The following TULP4 variants were observed in gnomAD, a reference collection of about 807,000 sequenced individuals.
TULP4 encodes tubby-related protein 4.
Under a neutral mutation model 129.0 loss-of-function variants are expected in TULP4, and 16 were observed. That is an observed-to-expected ratio of 0.12 (90% CI 0.08 to 0.19). TULP4 has a LOEUF of 0.19. TULP4 is among the 10% of genes least tolerant of loss of function. TULP4 has a pLI of 1.00. For missense variants in TULP4, 1,842 were observed against 2,059.1 expected, an observed-to-expected ratio of 0.89 and a Z score of 2.04; for synonymous variants, 998 against 854.0, an observed-to-expected ratio of 1.17 and a Z score of -2.94.
chr6:158,441,400 T>C (rs890571335), intron 3 of TULP4, among the ~76,000 whole-genome samples: 1 of 152,230 alleles, frequency 6.6e-6, no homozygotes, highest in African/African-American at 2.4e-5. Flanking sequence ...TAAAGTCAGT[T>C]TTTTGTTAAT....
At chr6:158,499,935 C>G (rs763983440) in intron 12 of TULP4, among the ~76,000 whole-genome samples, 2 of 152,214 alleles carry the variant, frequency 1.3e-5, no homozygotes, top group African/African-American at 2.4e-5. Context: ...GTGAGCAAAT[C>G]TCCTAGGCTT....
chr6:158,481,037 T>C lies in TULP4; in HGVS notation c.1252-18T>C. ...TCTCTGGAGTCCCAGCTCTTCATTT[T>C]CTTCCTGTATCCTCCAGCCCCCAAT... On this transcript the variant is annotated intron_variant, in intron 7 of 13. Transcript: ENST00000367097. 1.3e-6 allele frequency: 2 copies of C among 1,537,820 alleles called. No individual in the cohort carries two copies. The highest frequency in any genetic ancestry group is 1.8e-6 in the Non-Finnish European group (2 of 1,141,280).
At chr6:158,423,802 G>A (rs1474812294) in intron 2 of TULP4, among the ~76,000 whole-genome samples, 4 of 151,874 alleles carry the variant, frequency 2.6e-5, no homozygotes, top group African/African-American at 7.3e-5. Context: ...CACCACACCC[G>A]GCTAATTTTT....
At chr6:158,241,383 C>T (rs1353689603) in intron 1 of TULP4, among the ~76,000 whole-genome samples, 7 of 138,676 alleles carry the variant, frequency 5.0e-5, no homozygotes, top group African/African-American at 1.5e-4. Context: ...CTTTGGGAGG[C>T]CAAGGCAGGC....
intron 6 of TULP4, among the ~76,000 whole-genome samples, chr6:158,472,651 T>G (rs1413455989): frequency 6.6e-6 from 1 of 152,204 alleles, no homozygotes; most frequent in Non-Finnish European, 1.5e-5. Context: ...ATTGGACTGC[T>G]TATAAAAAGA....
chr6:158,253,552 A>G (rs1386726895), intron 1 of TULP4, among the ~76,000 whole-genome samples: 1 of 152,112 alleles, frequency 6.6e-6, no homozygotes, highest in East Asian at 1.9e-4. Flanking sequence ...ATGCCTCTGG[A>G]TTTATTATCT....
Position 158,503,469 on chromosome 6 carries a change from G to T in TULP4, c.3806G>T (p.Cys1269Phe), listed in dbSNP as rs746159598. The T allele has an allele frequency of 1.2e-6, 2 of 1,613,864 alleles. No individual in the cohort carries two copies. Among genetic ancestry groups the T allele is most frequent in the Non-Finnish European group, 1.7e-6 (2 of 1,180,000 alleles). Residue 1269 changes from cysteine (C) to phenylalanine (F), a missense_variant, in exon 13 of 14, where the codon TGC (cysteine) becomes TTC (phenylalanine). Around this residue, in one of 5 missense-constraint regions of TULP4, gnomAD observed 1,089 missense variants for 987.1 expected, o/e 1.10. Transcript: ENST00000367097. The surrounding 1 kb of genome is among the most constrained non-coding windows in gnomAD (Gnocchi z 4.3). The stretch of plus-strand genomic sequence containing the variant: ...CATCCATGGAGTTCCTACAGCGCCT[G>T]CCCGCCCATGCAGAACCCCCAGGGC... ...ALHPWSSYSA[C>F]PPMQNPQGTL... is the part of the protein sequence containing the mutation.
At chr6:158,318,645 T>A (rs923017452) in intron 1 of TULP4, among the ~76,000 whole-genome samples, 4 of 152,166 alleles carry the variant, frequency 2.6e-5, no homozygotes, top group African/African-American at 9.7e-5. Context: ...TTTATTTTCT[T>A]ATAACTTGTG....
At chr6:158,372,169 T>TA (rs1357768413) in intron 1 of TULP4, among the ~76,000 whole-genome samples, 3 of 147,910 alleles carry the variant, frequency 2.0e-5, no homozygotes, top group Non-Finnish European at 4.5e-5. Flanking sequence ...ATCTGCTTTT[T>TA]TTTTTTTTTT....
At chr6:158,286,403 C>T (rs148659744) in intron 1 of TULP4, among the ~76,000 whole-genome samples, 4 of 152,192 alleles carry the variant, frequency 2.6e-5, no homozygotes, top group African/African-American at 9.6e-5. Context: ...TGTGTTTCTT[C>T]TGTTTTATAA....
rs867546450 is a variant in TULP4 at position 158,269,385 on chromosome 6, A to C, written n.68+37082A>C. On this transcript the variant is annotated intron_variant and non_coding_transcript_variant, in intron 1 of 1. Transcript: ENST00000620026. ...AACTTTAGTTTCAGCATTTGTAAAA[A>C]AAAAAAAAAAAAAAAGGATTTTCCT... Among the ~76,000 whole-genome samples the C allele has an allele frequency of 1.3e-3, 93 of 71,134 alleles. 3 individuals carry two copies. In the South Asian group the frequency reaches 0.025, roughly 19 times the overall value. 46.7% of individuals were successfully genotyped at this position (71,134 alleles called of 152,430 possible).
At chr6:158,250,731 C>G (rs1250287577) in intron 1 of TULP4, among the ~76,000 whole-genome samples, 2 of 152,090 alleles carry the variant, frequency 1.3e-5, no homozygotes, top group Non-Finnish European at 2.9e-5. Context: ...TGTCCTTCAC[C>G]CATGTTTAGT....
chr6:158,481,334 C>A (rs1309738472), intron 8 of TULP4, 45 bp downstream of exon 8: 2 of 1,559,940 alleles, frequency 1.3e-6, no homozygotes, highest in South Asian at 1.1e-5. Flanking sequence ...CTCCTGTGGT[C>A]ATGGGCTGTT....
intron 1 of TULP4, among the ~76,000 whole-genome samples, chr6:158,315,915 A>T (rs1779481912): frequency 6.6e-6 from 1 of 152,238 alleles, no homozygotes; most frequent in Admixed American, 6.5e-5. Context: ...CCACCTCTTG[A>T]TACCACCACA....
intron 6 of TULP4, among the ~76,000 whole-genome samples, chr6:158,478,489 T>C (rs2128249486): frequency 6.6e-6 from 1 of 152,320 alleles, no homozygotes; most frequent in South Asian, 2.1e-4. Context: ...TTTCTGTAAG[T>C]TAATAGGTCC....
At chr6:158,345,176 T>C (rs1032594319) in intron 1 of TULP4, among the ~76,000 whole-genome samples, 4 of 152,232 alleles carry the variant, frequency 2.6e-5, no homozygotes, top group African/African-American at 9.6e-5. Context: ...AAGCCATCTT[T>C]ATAACATAAA....
At chr6:158,467,016 CCCATTAG>C (rs1398512305) in intron 6 of TULP4, among the ~76,000 whole-genome samples, 2 of 152,144 alleles carry the variant, frequency 1.3e-5, no homozygotes, top group East Asian at 3.9e-4. Context: ...ACTTCACAGA[CCCATTAG>C]CCATCTCATA....
intron 1 of TULP4, among the ~76,000 whole-genome samples, chr6:158,255,782 A>G (rs78767666): frequency 0.018 from 2,729 of 152,284 alleles, 73 homozygotes; most frequent in African/African-American, 0.061. Context: ...AATTTAAGTT[A>G]GGGTTATCTG....
Position 158,503,542 on chromosome 6 carries a change from C to T in TULP4, c.3879C>T (p.Ser1293=), listed in dbSNP as rs1780523225. Residue 1293 remains serine (S), a synonymous_variant, in exon 13 of 14, where the codon TCC becomes TCT. Transcript: ENST00000367097. This position sits in a 1 kb window ranked among gnomAD's most constrained non-coding sequence, Gnocchi z 4.3. ...TGGTGGTGGAGAAGCCCCTTGTGTCCCCACCACCTGCCGACCTCCAAAGCC... is the reference window on the plus strand; with the variant it reads ...TGGTGGTGGAGAAGCCCCTTGTGTCTCCACCACCTGCCGACCTCCAAAGCC... ...PHLVVEKPLV[S]PPPADLQSHL... 1 of 1,613,976 alleles carries T rather than the reference C, an allele frequency of 6.2e-7. No individual in the cohort carries two copies. Among genetic ancestry groups the T allele is most frequent in the Non-Finnish European group, 8.5e-7 (1 of 1,180,032 alleles).
Sources: gnomAD v4.1 joint callset for allele counts (sites outside exome capture counted in the v4.1 genomes callset) on GRCh38, gnomAD v4.1.1 for gene constraint, gnomAD v4.1.1 regional missense constraint, Gnocchi (gnomAD v3.1) non-coding constraint, MANE v1.5 for transcripts, NCBI Gene and HGNC (gene_info 2026-07-23, HGNC 2026-07-21) for gene names.